Variants in ADGRB3 observed in about 807,000 individuals in gnomAD.
ADGRB3 encodes the protein brain-specific angiogenesis inhibitor 3.
ADGRB3 carries 37 observed loss-of-function variants against 193.4 expected under a neutral mutation model. The observed-to-expected ratio is 0.19, with a 90% CI of 0.15 to 0.25. The LOEUF is 0.25. Ranked by LOEUF, ADGRB3 falls within the 10% of genes least tolerant of loss-of-function variation. The pLI, the probability that ADGRB3 is intolerant of heterozygous loss-of-function variation, is 1.00. For synonymous variants in ADGRB3, 690 were observed against 644.2 expected, an observed-to-expected ratio of 1.07 and a Z score of -1.08; for missense variants, 1,637 against 1,852.9, an observed-to-expected ratio of 0.88 and a Z score of 2.14.
At chr6:69,051,279 GGGCAAGTCACT>G in intron 15 of ADGRB3, among the ~76,000 whole-genome samples, 1 of 152,154 alleles carries the variant, frequency 6.6e-6, no homozygotes, top group East Asian at 1.9e-4. Context: ...ATAGACCACT[GGGCAAGTCACT>G]GACTTTTTTT....
At chr6:68,759,344 G>A (rs768900168) in intron 3 of ADGRB3, among the ~76,000 whole-genome samples, 7 of 151,988 alleles carry the variant, frequency 4.6e-5, no homozygotes, top group Non-Finnish European at 8.8e-5. Flanking sequence ...TCATTTATCA[G>A]TTCAAAAGCA....
chr6:69,139,166 C>T (rs551889598), intron 17 of ADGRB3, among the ~76,000 whole-genome samples: 1 of 152,198 alleles, frequency 6.6e-6, no homozygotes, highest in African/African-American at 2.4e-5. Context: ...CCCAAGGTAG[C>T]GCTTTACCGG....
intron 11 of ADGRB3, 39 bp downstream of exon 11, chr6:68,994,001 G>C (rs1222263534): frequency 1.3e-6 from 2 of 1,592,694 alleles, no homozygotes; most frequent in Middle Eastern, 3.6e-4. Context: ...GGCTAGTGAA[G>C]ATGCAATCAG....
At chr6:68,687,448 TG>T in intron 3 of ADGRB3, among the ~76,000 whole-genome samples, 1 of 152,318 alleles carries the variant, frequency 6.6e-6, no homozygotes, top group Middle Eastern at 3.4e-3. Context: ...GAACAGGATC[TG>T]GTTTGAGGCA....
chr6:68,931,118 A>C, intron 4 of ADGRB3, among the ~76,000 whole-genome samples: 1 of 151,972 alleles, frequency 6.6e-6, no homozygotes, highest in East Asian at 1.9e-4. Context: ...TGCACAGAAA[A>C]TATAAACTTT....
At chr6:68,676,526 C>A (rs1016797107) in intron 3 of ADGRB3, among the ~76,000 whole-genome samples, 3 of 151,824 alleles carry the variant, frequency 2.0e-5, no homozygotes, top group Non-Finnish European at 4.4e-5. Flanking sequence ...AATGCAATAA[C>A]GACATTGCAA....
intron 17 of ADGRB3, among the ~76,000 whole-genome samples, chr6:69,149,391 T>C (rs1774601965): frequency 6.6e-6 from 1 of 151,964 alleles, no homozygotes; most frequent in East Asian, 1.9e-4. Flanking sequence ...TTGATTCTTT[T>C]TAATTACTTC....
intron 15 of ADGRB3, among the ~76,000 whole-genome samples, chr6:69,058,311 T>C (rs1409398055): frequency 6.6e-6 from 1 of 151,944 alleles, no homozygotes; most frequent in Non-Finnish European, 1.5e-5. Flanking sequence ...CTGGTTTTTG[T>C]TATTTGAGTC....
intron 22 of ADGRB3, among the ~76,000 whole-genome samples, chr6:69,328,127 C>T (rs1561988807): frequency 6.6e-6 from 1 of 152,076 alleles, no homozygotes; most frequent in Non-Finnish European, 1.5e-5. Flanking sequence ...GCATATTTGG[C>T]TTTTAAAATA....
intron 17 of ADGRB3, among the ~76,000 whole-genome samples, chr6:69,150,060 G>A (rs1298120072): frequency 2.0e-5 from 3 of 151,734 alleles, no homozygotes; most frequent in South Asian, 2.1e-4. Context: ...GACCTGAAGC[G>A]AAAACAACAG....
chr6:68,814,996 A>G (rs1433480659), intron 3 of ADGRB3, among the ~76,000 whole-genome samples: 3 of 152,206 alleles, frequency 2.0e-5, no homozygotes, highest in East Asian at 3.9e-4. Flanking sequence ...TCAAAATAAT[A>G]AGAGCTATCT....
At position 68,956,088 on chromosome 6, in the gene ADGRB3, T is replaced by G. The variant is rs754548153; in HGVS notation, c.1260T>G (p.Thr420=). The change falls in exon 7 of 32, where the codon ACT becomes ACG. Residue 420 remains threonine, a synonymous_variant. Transcript: ENST00000370598. The part of the protein sequence containing the change: ...SQCSVTCSNG[T]QQRSRQCTAA... The stretch of plus-strand genomic sequence containing the variant: ...GCTCAGTAACGTGCTCGAATGGGAC[T>G]CAGCAGAGAAGCCGGCAGTGCACTG... 6 of 1,613,892 alleles carry G rather than the reference T, an allele frequency of 3.7e-6. No homozygotes were observed. In the African/African-American group the frequency reaches 8.0e-5, roughly 22 times the overall value.
chr6:69,342,350 T>C (rs984574794), intron 26 of ADGRB3, among the ~76,000 whole-genome samples: 7 of 152,124 alleles, frequency 4.6e-5, no homozygotes, highest in African/African-American at 1.7e-4. Context: ...ACATATTTCT[T>C]TTTTTTAATT....
intron 13 of ADGRB3, among the ~76,000 whole-genome samples, chr6:69,042,306 G>A (rs543152626): frequency 1.3e-5 from 2 of 152,274 alleles, no homozygotes; most frequent in South Asian, 4.1e-4. Context: ...AAGATATCGT[G>A]TGTAAAGCAT....
intron 17 of ADGRB3, among the ~76,000 whole-genome samples, chr6:69,161,006 A>T (rs978838651): frequency 3.3e-5 from 5 of 152,102 alleles, no homozygotes; most frequent in Admixed American, 3.3e-4. Flanking sequence ...ACCAGTTACT[A>T]GTATGGTAAC....
At chr6:68,682,596 T>G (rs1418258476) in intron 3 of ADGRB3, among the ~76,000 whole-genome samples, 1 of 152,134 alleles carries the variant, frequency 6.6e-6, no homozygotes, top group Non-Finnish European at 1.5e-5. Flanking sequence ...TTCGTAAAAT[T>G]TATCAGACTA....
chr6:69,264,863 T>C (rs1767007154), intron 20 of ADGRB3, among the ~76,000 whole-genome samples: 1 of 152,000 alleles, frequency 6.6e-6, no homozygotes, highest in Non-Finnish European at 1.5e-5. Context: ...TTTTGTATTT[T>C]ATTGATGCAT....
At chr6:68,782,078 G>A (rs1469064189) in intron 3 of ADGRB3, among the ~76,000 whole-genome samples, 9 of 150,020 alleles carry the variant, frequency 6.0e-5, no homozygotes, top group East Asian at 6.0e-4. Flanking sequence ...CCATTAACTC[G>A]TCATTTAGCA....
chr6:69,325,722 A>G (rs983870496), intron 21 of ADGRB3, among the ~76,000 whole-genome samples: 3 of 152,224 alleles, frequency 2.0e-5, no homozygotes, highest in African/African-American at 7.2e-5. Flanking sequence ...AGACTGGCAT[A>G]TGGGATGCTA....
Sources: gnomAD v4.1 joint callset for allele counts (sites outside exome capture counted in the v4.1 genomes callset) on GRCh38, gnomAD v4.1.1 for gene constraint, MANE v1.5 for transcripts, NCBI Gene and HGNC (gene_info 2026-07-23, HGNC 2026-07-21) for gene names.